Variants in SNX14 observed in about 807,000 individuals in gnomAD.
SNX14 encodes the protein sorting nexin-14.
A neutral mutation model predicts 133.8 loss-of-function variants in SNX14; 93 were observed. That is an observed-to-expected ratio of 0.70 (90% confidence interval 0.59 to 0.83). The LOEUF is 0.83. Among genes scored for constraint, SNX14 ranks in the 40% least tolerant of loss-of-function variants. The pLI, the probability that SNX14 is intolerant of heterozygous loss-of-function variation, is 0.00. For synonymous variants in SNX14, 368 were observed against 365.6 expected (o/e 1.01, Z -0.07); for missense variants, 945 against 1,094.9 (o/e 0.86, Z 1.93).
chr6:85,546,965 CAAAAA>C (rs375373506), intron 12 of SNX14, 142 bp downstream of exon 12: 1,386 of 390,280 alleles, frequency 3.6e-3, no homozygotes, highest in Middle Eastern at 5.4e-3. Context: ...CCGCCTCAAA[CAAAAA>C]AAAAAAAAAA....
chr6:85,542,646 G>C (rs966150743), intron 14 of SNX14, among the ~76,000 whole-genome samples: 1 of 152,126 alleles, frequency 6.6e-6, no homozygotes, highest in Non-Finnish European at 1.5e-5. Flanking sequence ...CGCCCGCCTC[G>C]GCCTCCCAAA....
intron 1 of SNX14, among the ~76,000 whole-genome samples, chr6:85,578,447 G>T (rs927616335): frequency 1.3e-5 from 2 of 152,064 alleles, no homozygotes; most frequent in Non-Finnish European, 2.9e-5. Context: ...GAAGAGGGGG[G>T]TATCCTGGGG....
chr6:85,542,637 G>A (rs999550461), intron 14 of SNX14, among the ~76,000 whole-genome samples: 48 of 152,176 alleles, frequency 3.2e-4, no homozygotes, highest in African/African-American at 1.0e-3. Context: ...CTTGTGATCC[G>A]CCCGCCTCGG....
intron 7 of SNX14, among the ~76,000 whole-genome samples, chr6:85,551,143 C>G (rs540019943): frequency 6.6e-6 from 1 of 152,256 alleles, no homozygotes; most frequent in Admixed American, 6.5e-5. Context: ...CGTACACTAT[C>G]AAAATATGCC....
intron 18 of SNX14, among the ~76,000 whole-genome samples, 160 bp downstream of exon 18, chr6:85,533,439 G>C (rs893163237): frequency 6.6e-6 from 1 of 152,126 alleles, no homozygotes; most frequent in African/African-American, 2.4e-5. Flanking sequence ...AGATAACCTA[G>C]GACATCCTAA....
intron 21 of SNX14, among the ~76,000 whole-genome samples, chr6:85,520,952 A>G (rs1277512042): frequency 6.6e-6 from 1 of 152,226 alleles, no homozygotes; most frequent in Non-Finnish European, 1.5e-5. Flanking sequence ...TAGATTCTCC[A>G]AAGTATATAT....
intron 26 of SNX14, among the ~76,000 whole-genome samples, chr6:85,510,169 C>T (rs1307931933): frequency 6.6e-6 from 1 of 152,122 alleles, no homozygotes; most frequent in Non-Finnish European, 1.5e-5. Context: ...AACATAATTG[C>T]CAGATCTCAT....
intron 21 of SNX14, among the ~76,000 whole-genome samples, chr6:85,522,136 G>A (rs549798110): frequency 4.0e-4 from 61 of 152,258 alleles, no homozygotes; most frequent in African/African-American, 1.3e-3. Flanking sequence ...TGGCTACTTC[G>A]TAGGAGTTCA....
chr6:85,550,314 T>C (rs1348401298), intron 7 of SNX14, among the ~76,000 whole-genome samples: 2 of 152,180 alleles, frequency 1.3e-5, no homozygotes, highest in African/African-American at 4.8e-5. Context: ...ATGGACCCTT[T>C]GCAAACAAGA....
intron 23 of SNX14, among the ~76,000 whole-genome samples, chr6:85,517,109 T>A (rs1004418142): frequency 5.3e-5 from 8 of 152,226 alleles, no homozygotes; most frequent in African/African-American, 1.9e-4. Flanking sequence ...TACCAGATAT[T>A]ACTAAAACTA....
intron 18 of SNX14, among the ~76,000 whole-genome samples, chr6:85,532,117 T>C (rs372298797): frequency 4.1e-4 from 63 of 152,286 alleles, no homozygotes; most frequent in African/African-American, 1.4e-3. Context: ...TGAACTATTA[T>C]AATTTATGTT....
At chr6:85,557,316 T>C (rs1238131542) in intron 7 of SNX14, among the ~76,000 whole-genome samples, 1 of 152,178 alleles carries the variant, frequency 6.6e-6, no homozygotes, top group Non-Finnish European at 1.5e-5. Flanking sequence ...GCATGAAAAG[T>C]CTCAAATGAG....
intron 21 of SNX14, among the ~76,000 whole-genome samples, chr6:85,523,974 A>G (rs546971384): frequency 6.6e-6 from 1 of 152,284 alleles, no homozygotes; most frequent in East Asian, 1.9e-4. Context: ...CACGAGGTCA[A>G]GAGATCGAGA....
intron 1 of SNX14, among the ~76,000 whole-genome samples, chr6:85,578,499 G>C (rs1054204574): frequency 6.6e-6 from 1 of 152,186 alleles, no homozygotes; most frequent in Non-Finnish European, 1.5e-5. Context: ...TGAACTTTCA[G>C]TTGTGGGATC....
In SNX14 at chr6:85,511,563, T is replaced by C. The variant is rs888357821; in HGVS notation, c.2653+2237A>G. Reference sequence around the variant, plus strand: ...GTTTTTGTAGATATTCTTTATCAAGTTGAGGATGTTCCCCTCTCTTCCTAG... The same window carrying C: ...GTTTTTGTAGATATTCTTTATCAAGCTGAGGATGTTCCCCTCTCTTCCTAG... On this transcript the variant is annotated intron_variant, in intron 26 of 28. Coordinates refer to ENST00000314673, the MANE Select transcript of SNX14 (RefSeq NM_153816.6). Among the ~76,000 whole-genome samples the C allele has an allele frequency of 1.4e-4, 21 of 152,352 alleles. 1 individual carries two copies. Among genetic ancestry groups the C allele is most frequent in the Admixed American group, 1.2e-3 (19 of 15,300 alleles).
intron 21 of SNX14, among the ~76,000 whole-genome samples, chr6:85,522,447 A>G (rs1164147659): frequency 6.6e-6 from 1 of 152,240 alleles, no homozygotes; most frequent in African/African-American, 2.4e-5. Context: ...GGACTGTATT[A>G]TAGCTAGAAA....
intron 21 of SNX14, among the ~76,000 whole-genome samples, chr6:85,520,718 T>C (rs1776597486): frequency 6.6e-6 from 1 of 152,186 alleles, no homozygotes; most frequent in African/African-American, 2.4e-5. Flanking sequence ...GTTTTGATGT[T>C]TATGTAAAAA....
At chr6:85,546,989 A>T in intron 12 of SNX14, 123 bp downstream of exon 12, 1 of 686,224 alleles carries the variant, frequency 1.5e-6, no homozygotes, top group Non-Finnish European at 2.3e-6. Flanking sequence ...AAAAAAGGAA[A>T]TCGAGTATAT....
At chr6:85,574,917 C>T (rs1796828614) in intron 1 of SNX14, among the ~76,000 whole-genome samples, 1 of 152,190 alleles carries the variant, frequency 6.6e-6, no homozygotes. Flanking sequence ...GGGAATACCA[C>T]AGGCTGATTA....
Sources: allele counts gnomAD v4.1 joint callset (sites outside exome capture counted in the v4.1 genomes callset), GRCh38; gene constraint gnomAD v4.1.1; transcripts MANE v1.5; gene names NCBI Gene and HGNC (gene_info 2026-07-23, HGNC 2026-07-21).